CACNA1C: variants seen among roughly 807,000 people sequenced by gnomAD.
CACNA1C encodes the protein calcium voltage-gated channel subunit alpha1 C, also known as voltage-dependent L-type calcium channel subunit alpha-1C.
CACNA1C carries 30 observed loss-of-function variants against 229.0 expected under a neutral mutation model. The observed-to-expected ratio is 0.13, with a 90% CI of 0.10 to 0.18. The LOEUF is 0.18. Ranked by LOEUF, CACNA1C falls within the 10% of genes least tolerant of loss-of-function variation. CACNA1C has a pLI of 1.00. For missense variants in CACNA1C, 1,658 were observed against 2,845.0 expected (o/e 0.58, Z 9.49); for synonymous variants, 1,114 against 1,132.5 (o/e 0.98, Z 0.33).
In CACNA1C at chr12:2,354,496, A is replaced by G. The variant is rs2097298586; in HGVS notation, c.478-94480A>G. Reference sequence around the variant, plus strand: ...GGAGACTGTTGAGAAGGGGACGGAGAACCTCACCAGCAGCTGAATTGAATT... The same window carrying G: ...GGAGACTGTTGAGAAGGGGACGGAGGACCTCACCAGCAGCTGAATTGAATT... On this transcript the variant is annotated intron_variant, in intron 3 of 46. Coordinates refer to ENST00000399655, the MANE Select transcript of CACNA1C (RefSeq NM_000719.7). The surrounding 1 kb of genome is among the most constrained non-coding windows in gnomAD (Gnocchi z 4.6). Among the ~76,000 whole-genome samples the G allele has an allele frequency of 6.6e-6, 1 of 152,128 alleles. No individual in the cohort carries two copies. The highest frequency in any genetic ancestry group is 1.5e-5 in the Non-Finnish European group (1 of 68,006).
Position 2,137,736 on chromosome 12 carries a change from G to A in CACNA1C, c.477+17306G>A, listed in dbSNP as rs547023190. Among the ~76,000 whole-genome samples, 3 of 150,126 alleles carry A rather than the reference G, an allele frequency of 2.0e-5. No individual in the cohort carries two copies. In the South Asian group the frequency reaches 6.4e-4, roughly 32 times the overall value. ...ATTCCTCTGTGAACCTTTTTCCTCA[G>A]CCTCCTCTCAAGATAACTTAGAGAT... On this transcript the variant is annotated intron_variant, in intron 3 of 46. Coordinates refer to ENST00000399655, the MANE Select transcript of CACNA1C (RefSeq NM_000719.7).
upstream of CACNA1C, among the ~76,000 whole-genome samples, chr12:2,048,197 G>A (rs768180278): frequency 2.6e-5 from 4 of 152,224 alleles, no homozygotes; most frequent in Non-Finnish European, 5.9e-5. Flanking sequence ...CATAAGGAAG[G>A]CAATTCTGGG....
intron 3 of CACNA1C, among the ~76,000 whole-genome samples, chr12:2,310,518 T>C (rs1277847610): frequency 6.6e-6 from 1 of 152,144 alleles, no homozygotes; most frequent in Non-Finnish European, 1.5e-5. Context: ...CTTGGCATTG[T>C]CGACTCATTT....
upstream of CACNA1C, among the ~76,000 whole-genome samples, chr12:2,052,567 G>A (rs770306599): frequency 6.8e-6 from 1 of 147,540 alleles, no homozygotes; most frequent in Admixed American, 6.7e-5. Flanking sequence ...AGGCCGGCGC[G>A]GGGGGCGCGA....
intron 4 of CACNA1C, among the ~76,000 whole-genome samples, chr12:2,453,348 A>C (rs1230703595): frequency 2.0e-5 from 3 of 152,164 alleles, no homozygotes; most frequent in Non-Finnish European, 4.4e-5. Context: ...TTAAGAGCTC[A>C]AGCCTATTGC....
At chr12:2,161,300 G>T (rs1456972614) in intron 3 of CACNA1C, among the ~76,000 whole-genome samples, 1 of 152,190 alleles carries the variant, frequency 6.6e-6, no homozygotes, top group East Asian at 1.9e-4. Flanking sequence ...AGAGACGGGG[G>T]CACTGCATGC....
rs181795674 is a variant in CACNA1C at position 2,355,408 on chromosome 12, G to A, written c.478-93568G>A. Reference sequence around the variant, plus strand: ...GAAGGCTGCTCCCTGGACTCATTTCGGTTGGTGGGTGCCACCGTGGTTCAG... The same window carrying A: ...GAAGGCTGCTCCCTGGACTCATTTCAGTTGGTGGGTGCCACCGTGGTTCAG... On this transcript the variant is annotated intron_variant, in intron 3 of 46. Coordinates refer to ENST00000399655, the MANE Select transcript of CACNA1C (RefSeq NM_000719.7). 6.8e-4 allele frequency among the ~76,000 whole-genome samples: 103 copies of A among 152,082 alleles called. 2 individuals are homozygous for A. The East Asian group carries it at 0.015, about 22-fold the overall frequency.
In CACNA1C at chr12:2,679,909, A is replaced by G. The variant is rs878858087; in HGVS notation, c.5444+113A>G. 31 of 773,180 alleles carry G rather than the reference A, an allele frequency of 4.0e-5. 1 individual carries two copies. In the South Asian group the frequency reaches 5.4e-4, roughly 14 times the overall value. 47.9% of individuals were successfully genotyped at this position (773,180 alleles called of 1,614,324 possible). ...CCAGCCACTTGTCCCTCAAGCTTCC[A>G]GGAGGTTGCTGCCCCAGACTCCAGC... On this transcript the variant is annotated intron_variant, in intron 42 of 46. Transcript: ENST00000399655. The surrounding 1 kb of genome is among the most constrained non-coding windows in gnomAD (Gnocchi z 5.5).
At chr12:2,430,390 G>C (rs1018574693) in intron 3 of CACNA1C, among the ~76,000 whole-genome samples, 1 of 152,178 alleles carries the variant, frequency 6.6e-6, no homozygotes, top group African/African-American at 2.4e-5. Flanking sequence ...GACACTCAAT[G>C]TGTTGCCTGA....
intron 3 of CACNA1C, among the ~76,000 whole-genome samples, chr12:2,273,687 T>C (rs2086246266): frequency 6.6e-6 from 1 of 152,152 alleles, no homozygotes; most frequent in Admixed American, 6.5e-5. Flanking sequence ...GGAGGGGTGT[T>C]CAAGGAACTT....
At position 2,493,628 on chromosome 12, in the gene CACNA1C, C is replaced by T. The variant is rs556333150; in HGVS notation, c.1113+242C>T. Among the ~76,000 whole-genome samples, 3 of 152,274 alleles carry T rather than the reference C, an allele frequency of 2.0e-5. No homozygotes were observed. Among genetic ancestry groups the T allele is most frequent in the South Asian group, 2.1e-4 (1 of 4,824 alleles). ...TTAGGGGAAGGTCATTTTTCCAGTGCGTCCCACAGTGCAAAACCCTGGTGT... is the reference window on the plus strand; with the variant it reads ...TTAGGGGAAGGTCATTTTTCCAGTGTGTCCCACAGTGCAAAACCCTGGTGT... On this transcript the variant is annotated intron_variant, in intron 7 of 46. Coordinates refer to ENST00000399655, the MANE Select transcript of CACNA1C (RefSeq NM_000719.7). The surrounding 1 kb of genome is among the most constrained non-coding windows in gnomAD (Gnocchi z 4.6).
intron 3 of CACNA1C, among the ~76,000 whole-genome samples, chr12:2,120,863 A>G (rs112396971): frequency 0.013 from 1,946 of 152,168 alleles, 51 homozygotes; most frequent in African/African-American, 0.044. Context: ...TGCACGATAA[A>G]TAATTTCTAG....
chr12:1,973,781 AAAC>A (rs1592865518), intron 1 of CACNA1C, among the ~76,000 whole-genome samples: 1 of 152,338 alleles, frequency 6.6e-6, no homozygotes, highest in East Asian at 1.9e-4. Context: ...ATATAAATAG[AAAC>A]AACTTATTCT....
In CACNA1C at chr12:2,054,931, C is replaced by G. The variant is rs1445848516; in HGVS notation, c.49+1320C>G. Reference sequence around the variant, plus strand: ...TTTTTCCCTCTGTTTGCTCCCAGCTCCACCTTTTGGGGACAGGGCCTTCAC... The same window carrying G: ...TTTTTCCCTCTGTTTGCTCCCAGCTGCACCTTTTGGGGACAGGGCCTTCAC... On this transcript the variant is annotated intron_variant, in intron 1 of 46. Transcript: ENST00000399655. The surrounding 1 kb of genome is among the most constrained non-coding windows in gnomAD (Gnocchi z 5.5). Among the ~76,000 whole-genome samples, 4 of 152,198 alleles carry G rather than the reference C, an allele frequency of 2.6e-5. No homozygotes were observed. The highest frequency in any genetic ancestry group is 9.7e-5 in the African/African-American group (4 of 41,432).
At chr12:2,001,794 C>A in intron 1 of CACNA1C, among the ~76,000 whole-genome samples, 1 of 152,298 alleles carries the variant, frequency 6.6e-6, no homozygotes, top group Admixed American at 6.5e-5. Flanking sequence ...CACTTTAGGG[C>A]AGTTTTCAGG....
intron 9 of CACNA1C, among the ~76,000 whole-genome samples, chr12:2,519,016 A>G (rs1171298186): frequency 2.0e-5 from 3 of 152,260 alleles, no homozygotes; most frequent in Non-Finnish European, 2.9e-5. Context: ...CCAGGGCTCC[A>G]GATTCCCCAT....
intron 31 of CACNA1C, 66 bp downstream of exon 31, chr12:2,648,573 C>A: frequency 1.4e-6 from 2 of 1,465,368 alleles, no homozygotes; most frequent in Non-Finnish European, 1.9e-6. Context: ...CCACTCTCCC[C>A]ACCCCGAACT....
At position 2,654,796 on chromosome 12, in the gene CACNA1C, A is replaced by G. The variant is rs966489638; in HGVS notation, c.4141-351A>G. 1.3e-5 allele frequency among the ~76,000 whole-genome samples: 2 copies of G among 152,232 alleles called. No individual in the cohort carries two copies. Among genetic ancestry groups the G allele is most frequent in the Admixed American group, 1.3e-4 (2 of 15,284 alleles). On this transcript the variant is annotated intron_variant, in intron 33 of 46. Transcript: ENST00000399655. This position sits in a 1 kb window ranked among gnomAD's most constrained non-coding sequence, Gnocchi z 4.4. Reference sequence around the variant, plus strand: ...GAACTAAATTTGAAAGAGTGCTTGGACATGCAGAACTGAAATAGCAAAGAA... The same window carrying G: ...GAACTAAATTTGAAAGAGTGCTTGGGCATGCAGAACTGAAATAGCAAAGAA...
intron 3 of CACNA1C, among the ~76,000 whole-genome samples, chr12:2,397,050 T>C (rs181658425): frequency 6.6e-6 from 1 of 152,382 alleles, no homozygotes; most frequent in East Asian, 1.9e-4. Flanking sequence ...TCATATCTGA[T>C]GAAAGCTTTG....
Sources: gnomAD v4.1 joint callset for allele counts (sites outside exome capture counted in the v4.1 genomes callset) on GRCh38, gnomAD v4.1.1 for gene constraint, Gnocchi (gnomAD v3.1) non-coding constraint, MANE v1.5 for transcripts, NCBI Gene and HGNC (gene_info 2026-07-23, HGNC 2026-07-21) for gene names.